The following F13A1 variants were observed in gnomAD, a reference collection of about 807,000 sequenced individuals.
The protein encoded by F13A1 is coagulation factor XIII A chain.
A neutral mutation model predicts 80.1 loss-of-function variants in F13A1; 47 were observed. The ratio of observed to expected loss-of-function variants is 0.59; its 90% confidence interval spans 0.46 to 0.75. The LOEUF (loss-of-function observed/expected upper bound fraction) is 0.75. F13A1 is among the 30% of genes least tolerant of loss of function. The probability of loss-of-function intolerance (pLI) is 0.00; values close to 1 mark genes in which losing one functional copy is unlikely to be tolerated. For missense variants in F13A1, 817 were observed against 930.4 expected (o/e 0.88, Z 1.59); for synonymous variants, 349 against 344.9 (o/e 1.01, Z -0.13).
chr6:6,185,420 G>A lies in F13A1; in HGVS notation c.1306-3279C>T, dbSNP rs1761062479. On this transcript the variant is annotated intron_variant, in intron 10 of 14. Coordinates refer to ENST00000264870, the MANE Select transcript of F13A1 (RefSeq NM_000129.4). ...GTTCTTGAGATAGTTTACTGAGAAT[G>A]ATGATGTGATCTCATTGTTCAATTC... 2.1e-5 allele frequency among the ~76,000 whole-genome samples: 3 copies of A among 145,508 alleles called. 1 individual carries two copies. In the South Asian group the frequency reaches 7.4e-4, roughly 36 times the overall value.
At chr6:6,147,362 T>G (rs1164873826) in intron 14 of F13A1, among the ~76,000 whole-genome samples, 2 of 152,218 alleles carry the variant, frequency 1.3e-5, no homozygotes, top group Non-Finnish European at 2.9e-5. Flanking sequence ...TTCATAGGTT[T>G]TATTTCTCAA....
At chr6:6,168,969 A>G (rs1465614133) in intron 12 of F13A1, among the ~76,000 whole-genome samples, 2 of 152,178 alleles carry the variant, frequency 1.3e-5, no homozygotes, top group African/African-American at 4.8e-5. Context: ...CAGCACTTCT[A>G]TTTGGAAGTC....
intron 3 of F13A1, among the ~76,000 whole-genome samples, chr6:6,283,629 G>A (rs1561678603): frequency 6.6e-6 from 1 of 151,876 alleles, no homozygotes; most frequent in Non-Finnish European, 1.5e-5. Context: ...AACAATACAT[G>A]TACCCAATTT....
At chr6:6,241,227 T>C (rs1757480137) in intron 6 of F13A1, among the ~76,000 whole-genome samples, 1 of 152,212 alleles carries the variant, frequency 6.6e-6, no homozygotes, top group Admixed American at 6.5e-5. Flanking sequence ...GGAACCTACA[T>C]CTGGCAGTGG....
At chr6:6,261,277 A>C (rs1180994488) in intron 4 of F13A1, among the ~76,000 whole-genome samples, 1 of 152,050 alleles carries the variant, frequency 6.6e-6, no homozygotes, top group African/African-American at 2.4e-5. Context: ...CTGCCTCTTG[A>C]GTTTTAAAGT....
At chr6:6,233,524 G>A (rs1211716263) in intron 6 of F13A1, among the ~76,000 whole-genome samples, 6 of 152,066 alleles carry the variant, frequency 3.9e-5, no homozygotes, top group African/African-American at 7.2e-5. Flanking sequence ...GACATTCAAG[G>A]AAGAATTGCT....
intron 3 of F13A1, among the ~76,000 whole-genome samples, chr6:6,280,744 T>C (rs894994964): frequency 1.3e-5 from 2 of 152,314 alleles, no homozygotes; most frequent in Middle Eastern, 3.4e-3. Context: ...ATTCCAATCT[T>C]CTCTCATTTC....
chr6:6,302,211 A>G (rs1758443232), intron 3 of F13A1, among the ~76,000 whole-genome samples: 1 of 152,332 alleles, frequency 6.6e-6, no homozygotes, highest in East Asian at 1.9e-4. Flanking sequence ...ATTTGGCTTT[A>G]AAGATGGAGA....
At chr6:6,276,309 T>A (rs1490601999) in intron 3 of F13A1, among the ~76,000 whole-genome samples, 2 of 152,036 alleles carry the variant, frequency 1.3e-5, no homozygotes, top group African/African-American at 4.8e-5. Context: ...GAGGTGAGAG[T>A]CTGAGTCTCC....
intron 8 of F13A1, 37 bp downstream of exon 8, chr6:6,221,996 T>A (rs767128197): frequency 2.5e-6 from 4 of 1,609,414 alleles, no homozygotes; most frequent in South Asian, 2.2e-5. Context: ...ATTACTATAA[T>A]GTGACATCAG....
At chr6:6,184,612 G>A (rs1417088922) in intron 10 of F13A1, among the ~76,000 whole-genome samples, 2 of 152,214 alleles carry the variant, frequency 1.3e-5, no homozygotes, top group South Asian at 2.1e-4. Context: ...AGCCATGTAA[G>A]TACAAACAGC....
chr6:6,212,076 C>T (rs1025928010), intron 8 of F13A1, among the ~76,000 whole-genome samples: 11 of 152,272 alleles, frequency 7.2e-5, no homozygotes, highest in African/African-American at 2.7e-4. Flanking sequence ...TGAGATCAAA[C>T]AGCAAAGCAG....
chr6:6,226,681 T>C (rs1757280540), intron 6 of F13A1, among the ~76,000 whole-genome samples: 2 of 152,224 alleles, frequency 1.3e-5, no homozygotes, highest in Admixed American at 1.3e-4. Flanking sequence ...TCTCCGTCTT[T>C]CTGAGTTTTA....
intron 7 of F13A1, among the ~76,000 whole-genome samples, chr6:6,222,714 GC>G (rs1757214493): frequency 6.6e-6 from 1 of 152,080 alleles, no homozygotes; most frequent in South Asian, 2.1e-4. Context: ...TAATCCAAAT[GC>G]CCTCCCTGCC....
intron 3 of F13A1, among the ~76,000 whole-genome samples, chr6:6,287,916 T>C (rs1049234022): frequency 6.6e-5 from 10 of 152,200 alleles, no homozygotes; most frequent in Admixed American, 1.3e-4. Flanking sequence ...TCAGTGATGG[T>C]TGTCTTTGCC....
chr6:6,293,814 GGAGGGAGGGAGA>G (rs879804964), intron 3 of F13A1, among the ~76,000 whole-genome samples: 6,629 of 119,802 alleles, frequency 0.055, 334 homozygotes, highest in Middle Eastern at 0.1. Context: ...AGGGAGGGAG[GGAGGGAGGGAGA>G]GAAGGAAATT....
intron 4 of F13A1, 117 bp downstream of exon 4, chr6:6,266,441 G>A: frequency 6.7e-7 from 1 of 1,495,932 alleles, no homozygotes. Flanking sequence ...CAAACTCCTG[G>A]CCTCAAGCGA....
chr6:6,219,566 A>C (rs1336900998), intron 8 of F13A1, among the ~76,000 whole-genome samples: 1 of 152,210 alleles, frequency 6.6e-6, no homozygotes, highest in Non-Finnish European at 1.5e-5. Context: ...AAAGCCACAC[A>C]GCAAGTAGCT....
intron 12 of F13A1, among the ~76,000 whole-genome samples, chr6:6,171,740 G>C (rs1428857878): frequency 6.6e-6 from 1 of 152,168 alleles, no homozygotes; most frequent in African/African-American, 2.4e-5. Context: ...CCTTATAAAG[G>C]CCTACAATTC....
Sources: allele counts gnomAD v4.1 joint callset (sites outside exome capture counted in the v4.1 genomes callset), GRCh38; gene constraint gnomAD v4.1.1; transcripts MANE v1.5; gene names NCBI Gene and HGNC (gene_info 2026-07-23, HGNC 2026-07-21).